Variants in LDHB observed in about 807,000 individuals in gnomAD.
LDHB encodes the protein lactate dehydrogenase B.
A neutral mutation model predicts 33.4 loss-of-function variants in LDHB; 18 were observed. That is an observed-to-expected ratio of 0.54 (90% CI 0.37 to 0.80). LDHB has a LOEUF of 0.80. Among genes scored for constraint, LDHB ranks in the 30% least tolerant of loss-of-function variants. The probability of loss-of-function intolerance (pLI) is 0.00; values close to 1 mark genes in which losing one functional copy is unlikely to be tolerated. For missense variants in LDHB, 345 were observed against 407.9 expected, an observed-to-expected ratio of 0.85 and a Z score of 1.33; for synonymous variants, 121 against 140.6, an observed-to-expected ratio of 0.86 and a Z score of 0.98.
intron 5 of LDHB, among the ~76,000 whole-genome samples, chr12:21,640,789 T>C (rs574561589): frequency 5.3e-5 from 8 of 151,962 alleles, no homozygotes; most frequent in African/African-American, 1.9e-4. Flanking sequence ...AAAATGAGGC[T>C]GGTGCAATTT....
chr12:21,638,804 G>A (rs1378015831), intron 5 of LDHB, among the ~76,000 whole-genome samples: 1 of 151,886 alleles, frequency 6.6e-6, no homozygotes, highest in Non-Finnish European at 1.5e-5. Context: ...TAAACTTTTG[G>A]TTTGAGGAAT....
intron 5 of LDHB, 84 bp downstream of exon 5, chr12:21,641,868 T>A (rs1489955642): frequency 1.6e-6 from 2 of 1,224,532 alleles, no homozygotes; most frequent in Admixed American, 4.2e-5. Context: ...TCAAAGTCTA[T>A]AAAAATAAAA....
intron 5 of LDHB, among the ~76,000 whole-genome samples, chr12:21,640,499 T>C (rs1207980834): frequency 1.3e-5 from 2 of 152,058 alleles, no homozygotes; most frequent in Non-Finnish European, 2.9e-5. Flanking sequence ...TAATTAATAG[T>C]TTATTAAAAA....
At chr12:21,640,829 G>A (rs1938352826) in intron 5 of LDHB, among the ~76,000 whole-genome samples, 1 of 151,676 alleles carries the variant, frequency 6.6e-6, no homozygotes, top group African/African-American at 2.4e-5. Context: ...AAAAATGATG[G>A]GACATGTTAA....
At chr12:21,637,313 T>A in intron 6 of LDHB, 119 bp from the exon 7 acceptor site, 1 of 766,142 alleles carries the variant, frequency 1.3e-6, no homozygotes, top group Non-Finnish European at 2.3e-6. Context: ...TTACCCTTTA[T>A]TGCCTTAGTG....
rs1464691116 is a variant in LDHB, at chr12:21,644,440, A to C, written c.248-332T>G. ...GGTAGACATCAAAAAAAAAAAAAAA[A>C]AAAAACAAAAACAAAAACCAATTTT... On this transcript the variant is annotated intron_variant, in intron 3 of 7. Coordinates refer to ENST00000350669, the MANE Select transcript of LDHB (RefSeq NM_002300.8). Among the ~76,000 whole-genome samples the C allele has an allele frequency of 9.5e-3, 1,324 of 138,938 alleles. 39 individuals carry two copies. Among genetic ancestry groups the C allele is most frequent in the African/African-American group, 0.03 (1,122 of 37,822 alleles). 91.1% of individuals were successfully genotyped at this position (138,938 alleles called of 152,430 possible).
intron 2 of LDHB, among the ~76,000 whole-genome samples, chr12:21,648,239 C>T (rs935526682): frequency 1.3e-5 from 2 of 151,954 alleles, no homozygotes; most frequent in Admixed American, 1.3e-4. Context: ...AATACTGGGG[C>T]CCAGTTAAAA....
At chr12:21,648,483 A>T (rs1055147493) in intron 2 of LDHB, among the ~76,000 whole-genome samples, 21 of 152,030 alleles carry the variant, frequency 1.4e-4, no homozygotes, top group Non-Finnish European at 2.9e-5. Context: ...TTCAAGGGTC[A>T]ACCTCTTCTA....
At position 21,654,417 on chromosome 12, in the gene LDHB, C is replaced by CAT. The variant is rs1342640045; in HGVS notation, c.129+125_129+126insAT. 10 of 863,748 alleles carry CAT rather than the reference C, an allele frequency of 1.2e-5. No individual in the cohort carries two copies. The East Asian group carries it at 2.6e-4, about 22-fold the overall frequency. 53.5% of individuals were successfully genotyped at this position (863,748 alleles called of 1,614,324 possible). On this transcript the variant is annotated intron_variant, in intron 2 of 7. Transcript: ENST00000350669. Reference sequence around the variant, plus strand: ...ATTTGAAAGTGAAGTGGGATTACATCTACAACTTCAAATTGCTCAGGAAAA... The same window carrying CAT: ...ATTTGAAAGTGAAGTGGGATTACATCATTACAACTTCAAATTGCTCAGGAAAA...
intron 2 of LDHB, among the ~76,000 whole-genome samples, chr12:21,654,129 A>G (rs1201064274): frequency 2.0e-5 from 3 of 152,210 alleles, no homozygotes; most frequent in Non-Finnish European, 4.4e-5. Flanking sequence ...TGCTAGAAAA[A>G]TGTCAATGAC....
At chr12:21,635,754 G>A in intron 7 of LDHB, 45 bp from the exon 8 acceptor site, 1 of 1,579,712 alleles carries the variant, frequency 6.3e-7, no homozygotes, top group African/African-American at 1.3e-5. Context: ...GAAACTGTAA[G>A]TAAAAATGAT....
At chr12:21,654,396 G>T in intron 2 of LDHB, 147 bp downstream of exon 2, 1 of 708,564 alleles carries the variant, frequency 1.4e-6, no homozygotes, top group Non-Finnish European at 2.4e-6. Flanking sequence ...TTAAATATTT[G>T]AAAGTGAAGT....
chr12:21,653,308 C>T (rs550595351), intron 2 of LDHB, among the ~76,000 whole-genome samples: 12 of 152,228 alleles, frequency 7.9e-5, no homozygotes, highest in Non-Finnish European at 1.0e-4. Flanking sequence ...TCTTAGGAAA[C>T]GTACTCTAAA....
chr12:21,644,733 T>C (rs1439394468), intron 3 of LDHB, among the ~76,000 whole-genome samples: 1 of 152,170 alleles, frequency 6.6e-6, no homozygotes, highest in Non-Finnish European at 1.5e-5. Flanking sequence ...TGGGTTACAG[T>C]GCGGCTTTTG....
At chr12:21,640,348 TAA>T (rs3061666) in intron 5 of LDHB, among the ~76,000 whole-genome samples, 143,256 of 151,572 alleles carry the variant, frequency 0.95, 68,196 homozygotes, top group East Asian at 1. Context: ...CACGAAGCAC[TAA>T]AAAAAAGTGT....
At chr12:21,643,878 C>CA in intron 4 of LDHB, 57 bp downstream of exon 4, 6 of 1,367,566 alleles carry the variant, frequency 4.4e-6, no homozygotes, top group Non-Finnish European at 6.3e-6. Context: ...ACAATAACAA[C>CA]AGAAACACCA....
At chr12:21,654,451 C>A (rs1938780501) in intron 2 of LDHB, 92 bp downstream of exon 2, 4 of 1,261,064 alleles carry the variant, frequency 3.2e-6, no homozygotes, top group South Asian at 1.2e-5. Flanking sequence ...AAAAAGAAAT[C>A]TTTTAAAGAT....
At chr12:21,646,019 A>AT (rs1938518134) in intron 3 of LDHB, among the ~76,000 whole-genome samples, 1 of 152,208 alleles carries the variant, frequency 6.6e-6, no homozygotes, top group Admixed American at 6.5e-5. Flanking sequence ...AAAATGTTAC[A>AT]TATCAAATGT....
At chr12:21,655,980 A>G (rs768249457) in intron 1 of LDHB, among the ~76,000 whole-genome samples, 8 of 152,222 alleles carry the variant, frequency 5.3e-5, no homozygotes, top group Non-Finnish European at 1.2e-4. Context: ...TAATTGTAGT[A>G]GCCCATTGTA....
Sources: gnomAD v4.1 joint callset for allele counts (sites outside exome capture counted in the v4.1 genomes callset) on GRCh38, gnomAD v4.1.1 for gene constraint, MANE v1.5 for transcripts, NCBI Gene and HGNC (gene_info 2026-07-23, HGNC 2026-07-21) for gene names.